The following MKRN2OS variants were observed in gnomAD, a reference collection of about 807,000 sequenced individuals.
MKRN2OS encodes the protein MKRN2 opposite strand protein.
A neutral mutation model predicts 18.2 loss-of-function variants in MKRN2OS; 17 were observed. That is an observed-to-expected ratio of 0.93 (90% CI 0.64 to 1.40). MKRN2OS has a LOEUF of 1.40. Among genes scored for constraint, MKRN2OS ranks in the 40% most tolerant of loss-of-function variants. The pLI, the probability that MKRN2OS is intolerant of heterozygous loss-of-function variation, is 0.00. For synonymous variants in MKRN2OS, 121 were observed against 108.5 expected (o/e 1.12, Z -0.72); for missense variants, 337 against 283.0 (o/e 1.19, Z -1.37).
chr3:12,550,966 TAACCAGTTTC>T (rs1451487554), downstream of MKRN2OS, among the ~76,000 whole-genome samples: 2 of 152,164 alleles, frequency 1.3e-5, no homozygotes, highest in African/African-American at 4.8e-5. Context: ...TTTGGTAAAA[TAACCAGTTTC>T]TTTACAGTAT....
intron 1 of MKRN2OS, among the ~76,000 whole-genome samples, chr3:12,560,089 C>G (rs770070139): frequency 9.2e-5 from 14 of 152,180 alleles, no homozygotes; most frequent in Non-Finnish European, 1.5e-4. Flanking sequence ...ATGGTAATGC[C>G]TAACCGGCAG....
At chr3:12,560,961 A>G (rs184407232) in exon 1 of MKRN2OS, 1 of 152,370 alleles carries the variant, frequency 6.6e-6, no homozygotes, top group East Asian at 1.9e-4. Context: ...AGTGACTATA[A>G]GCACATGACA....
intron 1 of MKRN2OS, among the ~76,000 whole-genome samples, chr3:12,558,490 C>T (rs1479080698): frequency 2.0e-5 from 3 of 152,306 alleles, no homozygotes; most frequent in Middle Eastern, 6.8e-3. Flanking sequence ...TTAATTCTAC[C>T]ATTTATTCCC....
rs2057769850 is a variant in MKRN2OS at position 12,539,965 on chromosome 3, A to G, written c.*228T>C. ...CATGCCCAGCTAATTTTATATTTTTAGTAAGGACGGGGTTTCTCCATGTTG... is the reference window on the plus strand; with the variant it reads ...CATGCCCAGCTAATTTTATATTTTTGGTAAGGACGGGGTTTCTCCATGTTG... On this transcript the variant is annotated 3_prime_UTR_variant, in exon 4 of 4. Transcript: ENST00000564146. 9.8e-6 allele frequency: 5 copies of G among 510,872 alleles called. No individual in the cohort carries two copies. The highest frequency in any genetic ancestry group is 8.8e-5 in the South Asian group (4 of 45,440). 31.6% of individuals were successfully genotyped at this position (510,872 alleles called of 1,614,324 possible).
At chr3:12,557,196 G>A (rs1257305352) in intron 1 of MKRN2OS, 3 of 1,534,022 alleles carry the variant, frequency 2.0e-6, no homozygotes, top group African/African-American at 2.8e-5. Flanking sequence ...CTGGAGCCAG[G>A]AGCTTCGGGC....
At chr3:12,558,881 T>G (rs1400325096) in intron 1 of MKRN2OS, among the ~76,000 whole-genome samples, 1 of 152,196 alleles carries the variant, frequency 6.6e-6, no homozygotes, top group African/African-American at 2.4e-5. Flanking sequence ...TACTGTAGTG[T>G]ATAATCCAGC....
At chr3:12,559,084 G>T (rs1452220262) in intron 1 of MKRN2OS, among the ~76,000 whole-genome samples, 2 of 152,120 alleles carry the variant, frequency 1.3e-5, no homozygotes, top group African/African-American at 4.8e-5. Flanking sequence ...CTTTTAATGT[G>T]TTCCCATGAA....
In MKRN2OS at chr3:12,540,392, G is replaced by C. The variant is rs933995656; in HGVS notation, c.473C>G (p.Thr158Arg). ...TGCCATCAGAACGCAGTTAATGAAC[G>C]TGAGTGCGTAAGAGTAGCAGTTATG... is the stretch of plus-strand genomic sequence containing the variant. ...NHHNCYSYAL[T>R]FINCVLMAEG... Residue 158 changes from threonine to arginine, a missense_variant, in exon 4 of 4, where the codon ACG becomes AGG. Transcript: ENST00000564146. The C allele has an allele frequency of 6.5e-6, 10 of 1,536,138 alleles. No individual in the cohort carries two copies. The highest frequency in any genetic ancestry group is 4.1e-5 in the African/African-American group (3 of 73,170).
Position 12,545,393 on chromosome 3 carries a change from A to T in MKRN2OS, c.72T>A (p.Ser24Arg). The T allele has an allele frequency of 6.5e-7, 1 of 1,535,924 alleles. No homozygotes were observed. Among genetic ancestry groups the T allele is most frequent in the South Asian group, 1.2e-5 (1 of 84,030 alleles). Residue 24 changes from serine (S) to arginine (R), a missense_variant, in exon 1 of 4, where the codon AGT becomes AGA. Transcript: ENST00000564146. ...GGCAGAGAGGGCAGCACTGGGGCACACTGAAGCTGTAGATGTATTTCTCAC... is the reference window on the plus strand; with the variant it reads ...GGCAGAGAGGGCAGCACTGGGGCACTCTGAAGCTGTAGATGTATTTCTCAC... ...NHCEKYIYSF[S>R]VPQCCPLCQQ...
At chr3:12,551,636 A>G (rs1464424776), downstream of MKRN2OS, among the ~76,000 whole-genome samples, 2 of 152,210 alleles carry the variant, frequency 1.3e-5, no homozygotes, top group Non-Finnish European at 2.9e-5. Context: ...TGAAGGATTT[A>G]TTAAGAAAAA....
Position 12,540,315 on chromosome 3 carries a change from G to A in MKRN2OS, c.550C>T (p.Pro184Ser). Reference protein sequence around the residue: ...KGEFTEKYVVPRTRLASKFIT... With the variant: ...KGEFTEKYVVSRTRLASKFIT... ...AACTTGGATGCCAGCCTTGTCCGCG[G>A]GACCACGTACTTCTCCGTAAATTCA... The change falls in exon 4 of 4, where the codon CCG becomes TCG. Residue 184 changes from proline to serine, a missense_variant. Pro to Ser is a moderately conservative substitution (Grantham distance 74, BLOSUM62 -1). Transcript: ENST00000564146. 1 of 1,536,110 alleles carries A rather than the reference G, an allele frequency of 6.5e-7. No individual in the cohort carries two copies. The highest frequency in any genetic ancestry group is 2.4e-5 in the East Asian group (1 of 40,924).
chr3:12,542,599 G>A (rs929667408), intron 2 of MKRN2OS, among the ~76,000 whole-genome samples: 1 of 151,900 alleles, frequency 6.6e-6, no homozygotes, highest in Admixed American at 6.6e-5. Context: ...CCTGCAGGTG[G>A]CTCCACCCAG....
intron 2 of MKRN2OS, among the ~76,000 whole-genome samples, chr3:12,542,883 A>G (rs904269826): frequency 4.6e-5 from 7 of 152,198 alleles, no homozygotes; most frequent in African/African-American, 1.7e-4. Context: ...TGGGCAAGTC[A>G]ATCTCACTGG....
At chr3:12,554,402 G>A (rs979675569) in intron 1 of MKRN2OS, among the ~76,000 whole-genome samples, 4 of 152,122 alleles carry the variant, frequency 2.6e-5, no homozygotes, top group African/African-American at 7.2e-5. Context: ...GAACCAAGCT[G>A]TTGGGTACAG....
At chr3:12,548,803 A>T (rs78867493), upstream of MKRN2OS, among the ~76,000 whole-genome samples, 1,247 of 152,054 alleles carry the variant, frequency 8.2e-3, 13 homozygotes, top group African/African-American at 0.027. Flanking sequence ...ATATACCAGC[A>T]TTTTTTTTCA....
At position 12,540,097 on chromosome 3, in the gene MKRN2OS, T is replaced by C. The variant is rs1165847355; in HGVS notation, c.*96A>G. 4 of 1,498,890 alleles carry C rather than the reference T, an allele frequency of 2.7e-6. No homozygotes were observed. Among genetic ancestry groups the C allele is most frequent in the African/African-American group, 2.8e-5 (2 of 72,254 alleles). The allele number at this position is 1,498,890 out of a possible 1,614,324, so 92.8% of individuals were successfully genotyped here. A position where few individuals can be genotyped will look rare whatever the true frequency, so the allele number is the denominator to read the frequency against. On this transcript the variant is annotated 3_prime_UTR_variant, in exon 4 of 4. Transcript: ENST00000564146. ...ACCATGCCCGGCCCATACACGCTTTTATTAACCACAGTTAAATGCATTTAG... is the reference window on the plus strand; with the variant it reads ...ACCATGCCCGGCCCATACACGCTTTCATTAACCACAGTTAAATGCATTTAG...
chr3:12,546,454 A>C (rs973699919), upstream of MKRN2OS, among the ~76,000 whole-genome samples: 21 of 152,102 alleles, frequency 1.4e-4, no homozygotes, highest in Non-Finnish European at 2.9e-4. Context: ...CATTTGTGAA[A>C]AATCATCAAG....
downstream of MKRN2OS, among the ~76,000 whole-genome samples, chr3:12,550,950 CAAAGCTTTGGT>C (rs1230547436): frequency 1.3e-5 from 2 of 152,152 alleles, no homozygotes; most frequent in African/African-American, 4.8e-5. Flanking sequence ...CCATTCCAGT[CAAAGCTTTGGT>C]AAAATAACCA....
At chr3:12,551,993 A>G (rs540628420), downstream of MKRN2OS, among the ~76,000 whole-genome samples, 8 of 152,174 alleles carry the variant, frequency 5.3e-5, no homozygotes, top group South Asian at 1.5e-3. Context: ...GCTATATTAC[A>G]TTTAGTGTAA....
Sources: allele counts gnomAD v4.1 joint callset (sites outside exome capture counted in the v4.1 genomes callset), GRCh38; gene constraint gnomAD v4.1.1; transcripts MANE v1.5; gene names NCBI Gene and HGNC (gene_info 2026-07-23, HGNC 2026-07-21).